ENOSF1: variants seen among roughly 807,000 people sequenced by gnomAD.
The protein encoded by ENOSF1 is mitochondrial enolase superfamily member 1.
A neutral mutation model predicts 68.2 loss-of-function variants in ENOSF1; 73 were observed. That is an observed-to-expected ratio of 1.07 (90% CI 0.89 to 1.30). The LOEUF (loss-of-function observed/expected upper bound fraction) is 1.30, where lower values mean the gene tolerates loss of function less well. Ranked by LOEUF, ENOSF1 falls within the 50% of genes most tolerant of loss-of-function variation. The pLI is 0.00. For synonymous variants in ENOSF1, 223 were observed against 210.4 expected (o/e 1.06, Z -0.52); for missense variants, 589 against 554.5 (o/e 1.06, Z -0.62).
downstream of ENOSF1, among the ~76,000 whole-genome samples, chr18:666,993 T>C (rs1168613304): frequency 9.0e-3 from 53 of 5,894 alleles, 5 homozygotes; most frequent in African/African-American, 0.032. Context: ...ATGGTGATGG[T>C]GATGGAGATG....
chr18:704,440 GA>G lies in ENOSF1; in HGVS notation c.193+2029del, dbSNP rs11429267. On this transcript the variant is annotated intron_variant, in intron 2 of 15. Transcript: ENST00000647584. ...AAGACTCTTGTTTCCAAAAAGAAAA[GA>G]AAAAAAAAAAAAAAAAGAACAGCCT... Among the ~76,000 whole-genome samples, 288 of 97,240 alleles carry G rather than the reference GA, an allele frequency of 3.0e-3. 4 individuals are homozygous for G. Among genetic ancestry groups the G allele is most frequent in the African/African-American group, 4.0e-3 (105 of 26,230 alleles). 63.8% of individuals were successfully genotyped at this position (97,240 alleles called of 152,430 possible).
At chr18:669,366 ATTTTTTT>A (rs68090938), downstream of ENOSF1, 54 of 192,226 alleles carry the variant, frequency 2.8e-4, no homozygotes, top group East Asian at 6.7e-4. Flanking sequence ...GGCCCAGAGG[ATTTTTTT>A]TTTTTTTTTT....
intron 9 of ENOSF1, 144 bp downstream of exon 9, chr18:688,430 G>T: frequency 1.0e-6 from 1 of 973,540 alleles, no homozygotes; most frequent in Non-Finnish European, 1.5e-6. Flanking sequence ...GGCCTAAGGG[G>T]AAACTTCTCT....
In ENOSF1 at chr18:671,782, TTTC is replaced by T. The variant is rs1349806103; in HGVS notation, c.*2520_*2522del. On this transcript the variant is annotated 3_prime_UTR_variant, in exon 16 of 16. Coordinates refer to ENST00000647584, the MANE Select transcript of ENOSF1 (RefSeq NM_017512.7). ...GAATTGAAGTGCAAATGTTTTTCCTTTTCTTTTTTTTTTGAGATGGAGTCTTTC... is the reference window on the plus strand; with the variant it reads ...GAATTGAAGTGCAAATGTTTTTCCTTTTTTTTTTTTGAGATGGAGTCTTTC... 2 of 240,796 alleles carry T rather than the reference TTTC, an allele frequency of 8.3e-6. No individual in the cohort carries two copies. Among genetic ancestry groups the T allele is most frequent in the Non-Finnish European group, 7.1e-6 (1 of 140,584 alleles). 14.9% of individuals were successfully genotyped at this position (240,796 alleles called of 1,614,324 possible).
chr18:683,440 C>T lies in ENOSF1; in HGVS notation c.742-60G>A, dbSNP rs74768071. The stretch of plus-strand genomic sequence containing the variant: ...CTGAGCCAACCTCACAGCAGGGCTG[C>T]GGCTCCCAGGGAGGAAATGCTGTCA... On this transcript the variant is annotated intron_variant, in intron 10 of 15. Coordinates refer to ENST00000647584, the MANE Select transcript of ENOSF1 (RefSeq NM_017512.7). 18,576 of 1,589,808 alleles carry T rather than the reference C, an allele frequency of 0.012. 1,279 individuals carry two copies. In the East Asian group the frequency reaches 0.21, roughly 18 times the overall value.
At chr18:665,508 A>C (rs1417860734), downstream of ENOSF1, among the ~76,000 whole-genome samples, 1 of 139,988 alleles carries the variant, frequency 7.1e-6, no homozygotes, top group Non-Finnish European at 1.5e-5. Context: ...TTGTGTCTCT[A>C]TTTCCTTCAG....
Position 683,231 on chromosome 18 carries a change from C to G in ENOSF1, c.876+15G>C, listed in dbSNP as rs769856711. ...GAAAAATAAGCTGCCACAGCAGCAG[C>G]AGCCGTTTTCCTACCTTGGAAATGG... On this transcript the variant is annotated intron_variant, in intron 11 of 15. Coordinates refer to ENST00000647584, the MANE Select transcript of ENOSF1 (RefSeq NM_017512.7). The G allele has an allele frequency of 1.1e-5, 17 of 1,613,690 alleles. No individual in the cohort carries two copies. In the South Asian group the frequency reaches 1.9e-4, roughly 18 times the overall value.
chr18:684,100 T>C (rs1159029538), intron 10 of ENOSF1, among the ~76,000 whole-genome samples: 1 of 151,772 alleles, frequency 6.6e-6, no homozygotes, highest in Non-Finnish European at 1.5e-5. Flanking sequence ...TTCACGCCAT[T>C]CTCCTGCCTC....
chr18:674,319 C>G lies in ENOSF1; in HGVS notation c.1318G>C (p.Ala440Pro). 1 of 1,609,212 alleles carries G rather than the reference C, an allele frequency of 6.2e-7. No individual in the cohort carries two copies. ...DGEVWKKLLP[A>P]QEN The stretch of plus-strand genomic sequence containing the variant: ...GGGCTGAGCACTTAATTTTCTTGAG[C>G]AGGAAGGAGTTTCTTCCAAACTTCA... The change falls in exon 16 of 16, where the codon GCT becomes CCT. Residue 440 changes from alanine to proline, a missense_variant. Ala to Pro is a conservative substitution (Grantham distance 27). Transcript: ENST00000647584.
chr18:709,696 G>T (rs2079306903), intron 1 of ENOSF1, among the ~76,000 whole-genome samples: 1 of 152,062 alleles, frequency 6.6e-6, no homozygotes, highest in Admixed American at 6.6e-5. Flanking sequence ...ATTTGCATAT[G>T]GGAGGCAGAG....
downstream of ENOSF1, among the ~76,000 whole-genome samples, chr18:668,023 A>C (rs1170541004): frequency 1.2e-5 from 1 of 83,218 alleles, no homozygotes. Flanking sequence ...ATGCACAGAA[A>C]GTTTCCCTGG....
chr18:667,059 A>T (rs147548807), downstream of ENOSF1, among the ~76,000 whole-genome samples: 30 of 18,508 alleles, frequency 1.6e-3, 1 homozygote, highest in South Asian at 3.7e-3. Context: ...ATGGAGATGG[A>T]GATGGTGATG....
At chr18:684,632 A>C (rs1161766812) in intron 10 of ENOSF1, among the ~76,000 whole-genome samples, 2 of 152,138 alleles carry the variant, frequency 1.3e-5, no homozygotes, top group African/African-American at 4.8e-5. Context: ...AAGAACAATA[A>C]ATCTAGTGAA....
intron 2 of ENOSF1, among the ~76,000 whole-genome samples, chr18:704,089 CCT>C (rs1039826182): frequency 2.0e-5 from 3 of 152,078 alleles, no homozygotes; most frequent in Admixed American, 6.6e-5. Flanking sequence ...GGCAATTAAA[CCT>C]CTTTTTCTTT....
chr18:668,174 G>GTA (rs1399731742), downstream of ENOSF1, among the ~76,000 whole-genome samples: 2 of 151,870 alleles, frequency 1.3e-5, no homozygotes, highest in Admixed American at 6.6e-5. Flanking sequence ...TTTAGCACGT[G>GTA]TAGACTCTTG....
chr18:696,377 A>C (rs1002904991), intron 3 of ENOSF1, among the ~76,000 whole-genome samples: 1 of 151,390 alleles, frequency 6.6e-6, no homozygotes, highest in African/African-American at 2.4e-5. Context: ...ATGCCCGGCT[A>C]ATTTTTTGTA....
chr18:705,785 GATC>G (rs931712301), intron 2 of ENOSF1, among the ~76,000 whole-genome samples: 94 of 152,228 alleles, frequency 6.2e-4, no homozygotes, highest in African/African-American at 2.2e-3. Flanking sequence ...GAGACAGGCG[GATC>G]ATTTGAGGTC....
intron 14 of ENOSF1, 162 bp from the exon 15 acceptor site, chr18:675,564 C>G (rs1263111293): frequency 1.6e-6 from 1 of 623,870 alleles, no homozygotes; most frequent in Non-Finnish European, 2.9e-6. Context: ...ACCTCTGTGC[C>G]TCAGGTCCTT....
chr18:698,766 T>A (rs981550909), intron 2 of ENOSF1, among the ~76,000 whole-genome samples: 3 of 151,958 alleles, frequency 2.0e-5, no homozygotes, highest in African/African-American at 7.3e-5. Flanking sequence ...GACCACAGGC[T>A]TGAGCTGCCA....
Sources: gnomAD v4.1 joint callset for allele counts (sites outside exome capture counted in the v4.1 genomes callset) on GRCh38, gnomAD v4.1.1 for gene constraint, MANE v1.5 for transcripts, NCBI Gene and HGNC (gene_info 2026-07-23, HGNC 2026-07-21) for gene names.